The following RALGAPA1 variants were observed in gnomAD, a reference collection of about 807,000 sequenced individuals.
RALGAPA1 encodes the protein Ral GTPase activating protein catalytic subunit alpha 1, also known as ral GTPase-activating protein subunit alpha-1.
In RALGAPA1, 52 loss-of-function variants were observed where a neutral mutation model predicts 269.6. That is an observed-to-expected ratio of 0.19 (90% confidence interval 0.15 to 0.24). The LOEUF (loss-of-function observed/expected upper bound fraction) is 0.24. Among genes scored for constraint, RALGAPA1 ranks in the 10% least tolerant of loss-of-function variants. The probability of loss-of-function intolerance (pLI) is 1.00; values close to 1 mark genes in which losing one functional copy is unlikely to be tolerated. For synonymous variants in RALGAPA1, 817 were observed against 1,008.3 expected (o/e 0.81, Z 3.60); for missense variants, 1,917 against 3,013.9 (o/e 0.64, Z 8.52).
At chr14:35,720,027 C>T (rs1343192362) in intron 16 of RALGAPA1, among the ~76,000 whole-genome samples, 1 of 152,220 alleles carries the variant, frequency 6.6e-6, no homozygotes. Context: ...GCTGGGATTA[C>T]AGGCGTAAGC....
At chr14:35,640,420 C>T (rs183570044) in intron 31 of RALGAPA1, among the ~76,000 whole-genome samples, 3 of 152,166 alleles carry the variant, frequency 2.0e-5, no homozygotes, top group East Asian at 3.9e-4. Context: ...AAAACCGATA[C>T]AGCAGAAATT....
rs555008326 is a variant in RALGAPA1, at chr14:35,760,601, T to C, written c.547+228A>G. Among the ~76,000 whole-genome samples the C allele has an allele frequency of 1.4e-3, 211 of 152,358 alleles. 1 individual carries two copies. In the South Asian group the frequency reaches 0.018, roughly 13 times the overall value. On this transcript the variant is annotated intron_variant, in intron 6 of 41. Coordinates refer to ENST00000680220, the MANE Select transcript of RALGAPA1 (RefSeq NM_001346249.2). ...TCTGGTGCTTCCCCCACATAGCCCT[T>C]GTGGCATGGCATGCCCCTTCCTCTT...
At chr14:35,699,967 A>C (rs928098443) in intron 17 of RALGAPA1, among the ~76,000 whole-genome samples, 195 bp downstream of exon 17, 1 of 151,986 alleles carries the variant, frequency 6.6e-6, no homozygotes, top group Non-Finnish European at 1.5e-5. Flanking sequence ...TAAACTTAGC[A>C]CTTCCAGAAT....
chr14:35,601,338 A>G (rs913072745), intron 36 of RALGAPA1, among the ~76,000 whole-genome samples: 18 of 152,170 alleles, frequency 1.2e-4, no homozygotes, highest in Admixed American at 1.3e-4. Context: ...AAAGTCTTGG[A>G]TTTCTACTTG....
Position 35,735,264 on chromosome 14 carries a change from C to T in RALGAPA1, c.1587+3249G>A, listed in dbSNP as rs143913950. Reference sequence around the variant, plus strand: ...TATATGAAAAAGATACTTGCACACACGTTTATAGCAGCACAACTTGCAACT... The same window carrying T: ...TATATGAAAAAGATACTTGCACACATGTTTATAGCAGCACAACTTGCAACT... On this transcript the variant is annotated intron_variant, in intron 12 of 41. Coordinates refer to ENST00000680220, the MANE Select transcript of RALGAPA1 (RefSeq NM_001346249.2). Among the ~76,000 whole-genome samples the T allele has an allele frequency of 3.1e-3, 474 of 152,224 alleles. 1 individual carries two copies. Among genetic ancestry groups the T allele is most frequent in the Middle Eastern group, 6.8e-3 (2 of 294 alleles).
chr14:35,783,916 G>C (rs2141670822), intron 1 of RALGAPA1, among the ~76,000 whole-genome samples: 1 of 152,208 alleles, frequency 6.6e-6, no homozygotes, highest in East Asian at 1.9e-4. Flanking sequence ...ACAATACCAA[G>C]TGTTGGCAAT....
At chr14:35,660,297 A>G (rs2063454139) in intron 27 of RALGAPA1, among the ~76,000 whole-genome samples, 1 of 152,120 alleles carries the variant, frequency 6.6e-6, no homozygotes, top group Non-Finnish European at 1.5e-5. Flanking sequence ...TAGAACTAAT[A>G]AAGTCAGTAG....
chr14:35,786,671 T>C (rs543961281), intron 1 of RALGAPA1, among the ~76,000 whole-genome samples: 2 of 152,164 alleles, frequency 1.3e-5, no homozygotes, highest in East Asian at 3.9e-4. Flanking sequence ...AAAGTATCTC[T>C]CCACAGTATC....
intron 33 of RALGAPA1, among the ~76,000 whole-genome samples, chr14:35,632,549 T>C (rs1247700521): frequency 1.3e-5 from 2 of 152,160 alleles, no homozygotes; most frequent in African/African-American, 4.8e-5. Context: ...CTTTAAATAT[T>C]AGCTTTGCAT....
Position 35,618,931 on chromosome 14 carries a change from T to C in RALGAPA1, c.6929+6430A>G, listed in dbSNP as rs1325207921. The stretch of plus-strand genomic sequence containing the variant: ...ATGGGAAGAATGATGATTATGATGG[T>C]GCTTTGCTTTTTCTACATGAGAGTT... On this transcript the variant is annotated intron_variant, in intron 35 of 41. Transcript: ENST00000680220. 6.6e-5 allele frequency among the ~76,000 whole-genome samples: 10 copies of C among 152,264 alleles called. No homozygotes were observed. In the East Asian group the frequency reaches 1.7e-3, roughly 26 times the overall value.
intron 33 of RALGAPA1, among the ~76,000 whole-genome samples, chr14:35,633,167 C>T (rs1262588399): frequency 1.3e-5 from 2 of 152,136 alleles, no homozygotes; most frequent in Non-Finnish European, 2.9e-5. Context: ...TAAGCAAACT[C>T]TATTGCTTTG....
At chr14:35,696,989 T>C (rs928913502) in intron 17 of RALGAPA1, among the ~76,000 whole-genome samples, 14 of 152,350 alleles carry the variant, frequency 9.2e-5, no homozygotes, top group African/African-American at 2.9e-4. Flanking sequence ...GATTGGTTGA[T>C]GATCTAAGAT....
At chr14:35,793,325 C>A (rs1320519697) in intron 1 of RALGAPA1, among the ~76,000 whole-genome samples, 1 of 151,766 alleles carries the variant, frequency 6.6e-6, no homozygotes, top group African/African-American at 2.4e-5. Context: ...ACAACCTCCG[C>A]CTCCCAGGTT....
intron 21 of RALGAPA1, among the ~76,000 whole-genome samples, chr14:35,680,074 C>T (rs1442717745): frequency 6.6e-6 from 1 of 152,080 alleles, no homozygotes; most frequent in African/African-American, 2.4e-5. Flanking sequence ...TTAATGTTTA[C>T]CAAAAACTTT....
chr14:35,761,427 CT>C (rs1883178598), intron 5 of RALGAPA1, among the ~76,000 whole-genome samples: 1 of 152,072 alleles, frequency 6.6e-6, no homozygotes, highest in Non-Finnish European at 1.5e-5. Context: ...TCCTGGCACA[CT>C]GCGAATTCAA....
At chr14:35,559,628 A>C (rs971032591) in intron 39 of RALGAPA1, among the ~76,000 whole-genome samples, 2 of 152,180 alleles carry the variant, frequency 1.3e-5, no homozygotes, top group East Asian at 3.9e-4. Context: ...CTTCTCGTGC[A>C]CTGTGATATG....
At chr14:35,603,760 C>T (rs1237847317) in intron 36 of RALGAPA1, among the ~76,000 whole-genome samples, 1 of 152,010 alleles carries the variant, frequency 6.6e-6, no homozygotes, top group Non-Finnish European at 1.5e-5. Context: ...ACAAACATAA[C>T]ATGTTCTCAC....
chr14:35,576,598 T>TA (rs551534491), intron 37 of RALGAPA1, among the ~76,000 whole-genome samples: 2 of 152,148 alleles, frequency 1.3e-5, no homozygotes, highest in East Asian at 1.9e-4. Flanking sequence ...TCCTCCTGGT[T>TA]AAAAAAATCC....
At chr14:35,574,193 A>G (rs564749770) in intron 37 of RALGAPA1, among the ~76,000 whole-genome samples, 1 of 152,350 alleles carries the variant, frequency 6.6e-6, no homozygotes, top group Admixed American at 6.5e-5. Context: ...AGACAAGACA[A>G]CTGAAATAAT....
Sources: allele counts gnomAD v4.1 joint callset (sites outside exome capture counted in the v4.1 genomes callset), GRCh38; gene constraint gnomAD v4.1.1; transcripts MANE v1.5; gene names NCBI Gene and HGNC (gene_info 2026-07-23, HGNC 2026-07-21).